The following PTPRD variants were observed in gnomAD, a reference collection of about 807,000 sequenced individuals.
PTPRD encodes the protein protein tyrosine phosphatase receptor type D.
PTPRD carries 34 observed loss-of-function variants against 214.5 expected under a neutral mutation model. The ratio of observed to expected loss-of-function variants is 0.16; its 90% CI spans 0.12 to 0.21. The LOEUF (loss-of-function observed/expected upper bound fraction) is 0.21. Among genes scored for constraint, PTPRD ranks in the 10% least tolerant of loss-of-function variants. PTPRD has a pLI of 1.00. For missense variants in PTPRD, 2,545 were observed against 2,398.7 expected (o/e 1.06, Z -1.27); for synonymous variants, 1,128 against 845.7 (o/e 1.33, Z -5.79).
chr9:9,718,896 A>G (rs2097883240), intron 7 of PTPRD, among the ~76,000 whole-genome samples: 1 of 152,154 alleles, frequency 6.6e-6, no homozygotes, highest in Admixed American at 6.5e-5. Flanking sequence ...GACACCATGG[A>G]GGGCACATTA....
rs545923132 is a variant in PTPRD, at chr9:8,918,027, C to A, written c.-104+100670G>T. Among the ~76,000 whole-genome samples, 11 of 152,210 alleles carry A rather than the reference C, an allele frequency of 7.2e-5. No homozygotes were observed. The East Asian group carries it at 1.9e-3, about 27-fold the overall frequency. ...GGATTTCGGGCCTCAGAATCAACAG[C>A]GTCACAACAAGCTTTCAATTAAGGG... On this transcript the variant is annotated intron_variant, in intron 11 of 45. Coordinates refer to ENST00000381196, the MANE Select transcript of PTPRD (RefSeq NM_002839.4).
chr9:9,618,707 C>A (rs908916197), intron 7 of PTPRD, among the ~76,000 whole-genome samples: 1 of 152,048 alleles, frequency 6.6e-6, no homozygotes, highest in African/African-American at 2.4e-5. Flanking sequence ...ATACAAATAT[C>A]AAGTAGGTAT....
intron 11 of PTPRD, among the ~76,000 whole-genome samples, chr9:8,780,612 C>T (rs1349832879): frequency 2.0e-5 from 3 of 152,124 alleles, no homozygotes; most frequent in Non-Finnish European, 4.4e-5. Flanking sequence ...CCGAAGCAAC[C>T]CCAGAGCCAG....
chr9:9,958,071 G>C (rs2094080621), intron 4 of PTPRD, among the ~76,000 whole-genome samples: 1 of 152,106 alleles, frequency 6.6e-6, no homozygotes, highest in Non-Finnish European at 1.5e-5. Flanking sequence ...CTTTCATAAA[G>C]CATAACTTAA....
intron 4 of PTPRD, among the ~76,000 whole-genome samples, chr9:9,993,266 C>T (rs1245442569): frequency 3.3e-5 from 5 of 152,132 alleles, no homozygotes; most frequent in Non-Finnish European, 7.4e-5. Context: ...TAAACAATGG[C>T]CTAGCAATTT....
chr9:9,690,605 A>C (rs889585096), intron 7 of PTPRD, among the ~76,000 whole-genome samples: 1 of 151,876 alleles, frequency 6.6e-6, no homozygotes, highest in African/African-American at 2.4e-5. Flanking sequence ...TCATAGTTTT[A>C]AGTCTTAGAT....
intron 9 of PTPRD, among the ~76,000 whole-genome samples, chr9:9,201,110 G>A (rs887068959): frequency 1.3e-5 from 2 of 152,126 alleles, no homozygotes; most frequent in Admixed American, 6.5e-5. Context: ...TGGTTTATTT[G>A]ACTACAAACA....
chr9:10,565,735 T>C (rs2065401742), intron 2 of PTPRD, among the ~76,000 whole-genome samples: 1 of 152,048 alleles, frequency 6.6e-6, no homozygotes, highest in African/African-American at 2.4e-5. Flanking sequence ...GTCATCTTAC[T>C]CTTTTACTTA....
intron 10 of PTPRD, among the ~76,000 whole-genome samples, chr9:9,139,548 A>G (rs1313068622): frequency 6.6e-6 from 1 of 152,176 alleles, no homozygotes; most frequent in Non-Finnish European, 1.5e-5. Context: ...ATACCGCGAC[A>G]GTCGAGGGTG....
At chr9:8,569,654 C>G (rs1464993620) in intron 14 of PTPRD, among the ~76,000 whole-genome samples, 1 of 152,018 alleles carries the variant, frequency 6.6e-6, no homozygotes, top group Admixed American at 6.6e-5. Flanking sequence ...TTTCATTTAT[C>G]TAAACTGAGC....
chr9:10,068,124 C>G (rs1356333057), intron 3 of PTPRD, among the ~76,000 whole-genome samples: 1 of 151,938 alleles, frequency 6.6e-6, no homozygotes, highest in Non-Finnish European at 1.5e-5. Context: ...CATCTAGGAA[C>G]ACTGAGTTTA....
intron 3 of PTPRD, among the ~76,000 whole-genome samples, chr9:10,101,839 A>T (rs2098554605): frequency 6.6e-6 from 1 of 151,680 alleles, no homozygotes; most frequent in Non-Finnish European, 1.5e-5. Context: ...ATTTGTAAAC[A>T]ATTGCAAATC....
intron 9 of PTPRD, among the ~76,000 whole-genome samples, chr9:9,395,434 T>C (rs1246684039): frequency 6.6e-6 from 1 of 152,124 alleles, no homozygotes; most frequent in Non-Finnish European, 1.5e-5. Context: ...CAGGTCTAAC[T>C]AGCCTTTTCG....
chr9:9,053,395 T>TGATGAC (rs1371790899), intron 10 of PTPRD, among the ~76,000 whole-genome samples: 1 of 152,006 alleles, frequency 6.6e-6, no homozygotes, highest in Non-Finnish European at 1.5e-5. Flanking sequence ...ATGATGATGA[T>TGATGAC]GATGATGATG....
chr9:10,315,854 C>A (rs541294356), intron 3 of PTPRD, among the ~76,000 whole-genome samples: 3 of 151,842 alleles, frequency 2.0e-5, no homozygotes, highest in African/African-American at 7.2e-5. Flanking sequence ...TGGCTTATGC[C>A]ATTTATAGTA....
At chr9:10,140,540 C>G (rs1281332063) in intron 3 of PTPRD, among the ~76,000 whole-genome samples, 1 of 152,036 alleles carries the variant, frequency 6.6e-6, no homozygotes, top group Non-Finnish European at 1.5e-5. Flanking sequence ...TCTCCCAAGA[C>G]TAAACCAGGA....
At chr9:9,504,320 C>G (rs1785650251) in intron 8 of PTPRD, among the ~76,000 whole-genome samples, 1 of 151,622 alleles carries the variant, frequency 6.6e-6, no homozygotes, top group African/African-American at 2.4e-5. Flanking sequence ...AATATGACCA[C>G]AAAATATTCC....
chr9:9,317,408 G>A (rs1198526330), intron 9 of PTPRD, among the ~76,000 whole-genome samples: 1 of 152,046 alleles, frequency 6.6e-6, no homozygotes. Flanking sequence ...TTAAAACTTT[G>A]CTTTTCCTTC....
chr9:9,881,842 T>C (rs1168530027), intron 5 of PTPRD, among the ~76,000 whole-genome samples: 1 of 152,050 alleles, frequency 6.6e-6, no homozygotes, highest in Non-Finnish European at 1.5e-5. Flanking sequence ...AATGACTAGG[T>C]TTGCATCCTC....
Sources: gnomAD v4.1 joint callset for allele counts (sites outside exome capture counted in the v4.1 genomes callset) on GRCh38, gnomAD v4.1.1 for gene constraint, MANE v1.5 for transcripts, NCBI Gene and HGNC (gene_info 2026-07-23, HGNC 2026-07-21) for gene names.